Variants in ATP2A3 observed in about 807,000 individuals in gnomAD.
The protein encoded by ATP2A3 is sarcoplasmic/endoplasmic reticulum calcium ATPase 3.
ATP2A3 carries 61 observed loss-of-function variants against 106.8 expected under a neutral mutation model. The observed-to-expected ratio is 0.57, with a 90% CI of 0.46 to 0.71. The LOEUF (loss-of-function observed/expected upper bound fraction) is 0.71. Ranked by LOEUF, ATP2A3 falls within the 30% of genes least tolerant of loss-of-function variation. The probability of loss-of-function intolerance (pLI) is 0.00; values close to 1 mark genes in which losing one functional copy is unlikely to be tolerated. For missense variants in ATP2A3, 1,201 were observed against 1,423.5 expected, an observed-to-expected ratio of 0.84 and a Z score of 2.52; for synonymous variants, 611 against 609.3, an observed-to-expected ratio of 1.00 and a Z score of -0.04.
In ATP2A3 at chr17:3,945,134, G is replaced by T. The variant is rs1263659015; in HGVS notation, c.1110C>A (p.Ala370=). 7 of 1,547,780 alleles carry T rather than the reference G, an allele frequency of 4.5e-6. No homozygotes were observed. Among genetic ancestry groups the T allele is most frequent in the Non-Finnish European group, 6.1e-6 (7 of 1,145,834 alleles). Residue 370 remains alanine (A), a synonymous_variant, in exon 9 of 21, where the codon GCC becomes GCA. Transcript: ENST00000397041. ...AAAGGCAGGAGCCCGCATCGGCCTC[G>T]GCTACCACGAACATCTGGGGAGCGC... ...QMSVCRMFVV[A]EADAGSCLLH... is the part of the protein sequence containing the mutation.
Position 3,925,033 on chromosome 17 carries a change from G to C in ATP2A3, c.*389C>G, listed in dbSNP as rs1037291717. 2.4e-6 allele frequency: 1 copy of C among 418,566 alleles called. No individual in the cohort carries two copies. Among genetic ancestry groups the C allele is most frequent in the Admixed American group, 3.6e-5 (1 of 28,134 alleles). The allele number at this position is 418,566 out of a possible 1,614,324, so 25.9% of individuals were successfully genotyped here. ...CAGAGGCACCAGTCACCAAGTGAAC[G>C]TCCAGCTTCCGAACAAGGGGGAGCA... On this transcript the variant is annotated 3_prime_UTR_variant, in exon 21 of 21. Transcript: ENST00000397041. The surrounding 1 kb of genome is among the most constrained non-coding windows in gnomAD (Gnocchi z 4.2).
At chr17:3,951,553 G>T (rs751359506) in intron 4 of ATP2A3, 28 bp downstream of exon 4, 2 of 647,366 alleles carry the variant, frequency 3.1e-6, no homozygotes, top group South Asian at 2.7e-5. Flanking sequence ...ACCGCCCCCC[G>T]CCCGGTCCCA....
chr17:3,956,468 C>T (rs1468663680), intron 1 of ATP2A3, among the ~76,000 whole-genome samples: 1 of 152,218 alleles, frequency 6.6e-6, no homozygotes, highest in Non-Finnish European at 1.5e-5. Context: ...TATCCTCCGT[C>T]TGTGCTGGCC....
At chr17:3,937,080 G>A (rs1464555644) in intron 15 of ATP2A3, 20 of 403,184 alleles carry the variant, frequency 5.0e-5, no homozygotes, top group South Asian at 3.9e-4. Context: ...ATACACATTC[G>A]CACACGGACA....
In ATP2A3 at chr17:3,937,625, T is replaced by G; in HGVS notation, c.2112A>C (p.Gly704=). The G allele has an allele frequency of 6.2e-7, 1 of 1,613,774 alleles. No individual in the cohort carries two copies. The highest frequency in any genetic ancestry group is 8.5e-7 in the Non-Finnish European group (1 of 1,179,916). Residue 704 remains glycine, a synonymous_variant, in exon 15 of 21, where the codon GGA becomes GGC. Transcript: ENST00000397041. ...TCTTCAGGGCTGGTGCGTCGTTCAC[T>G]CCATCGCCAGTCTGTGGGCCAGGTC... ...FNEITAMTGD[G]VNDAPALKKA...
intron 8 of ATP2A3, among the ~76,000 whole-genome samples, chr17:3,946,799 C>CACCATCTCCCCACCCACCCATCTGCTGG (rs1430040055): frequency 1.4e-4 from 21 of 152,314 alleles, no homozygotes; most frequent in Middle Eastern, 6.8e-3. Context: ...ACATAGCCTT[C>CACCATCTCCCCACCCACCCATCTGCTGG]ACCATCTCCC....
At position 3,953,191 on chromosome 17, in the gene ATP2A3, G is replaced by T; in HGVS notation, c.219+156C>A. On this transcript the variant is annotated intron_variant, in intron 3 of 20. Coordinates refer to ENST00000397041, the MANE Select transcript of ATP2A3 (RefSeq NM_005173.4). The surrounding 1 kb of genome is among the most constrained non-coding windows in gnomAD (Gnocchi z 5.1). ...GGCCATGAGGGTTCAGGCAAGGGAA[G>T]CTGAAGTCTGAGCAGGGCAGGGCCA... 1.2e-6 allele frequency: 1 copy of T among 833,120 alleles called. No individual in the cohort carries two copies. Among genetic ancestry groups the T allele is most frequent in the Non-Finnish European group, 2.0e-6 (1 of 492,392 alleles). The allele number at this position is 833,120 out of a possible 1,614,324, so 51.6% of individuals were successfully genotyped here. A position where few individuals can be genotyped will look rare whatever the true frequency, so the allele number is the denominator to read the frequency against.
rs559148322 is a variant in ATP2A3 at position 3,930,570 on chromosome 17, T to G, written c.2611-136A>C. 2.1e-5 allele frequency: 14 copies of G among 674,096 alleles called. No individual in the cohort carries two copies. The highest frequency in any genetic ancestry group is 2.4e-5 in the Non-Finnish European group (11 of 455,376). 41.8% of individuals were successfully genotyped at this position (674,096 alleles called of 1,614,324 possible). A position where few individuals can be genotyped will look rare whatever the true frequency, so the allele number is the denominator to read the frequency against. On this transcript the variant is annotated intron_variant, in intron 17 of 20. Coordinates refer to ENST00000397041, the MANE Select transcript of ATP2A3 (RefSeq NM_005173.4). This position sits in a 1 kb window ranked among gnomAD's most constrained non-coding sequence, Gnocchi z 5.4. ...CACAAAACACTGCCGTGGGGTGGGC[T>G]GGGGATCCCGGGAGGGGTGCGGGGT...
At chr17:3,942,034 G>A (rs1342103693) in intron 12 of ATP2A3, among the ~76,000 whole-genome samples, 1 of 152,184 alleles carries the variant, frequency 6.6e-6, no homozygotes, top group Non-Finnish European at 1.5e-5. Flanking sequence ...TCAGCAGCAG[G>A]GAGGCAGGCT....
In ATP2A3 at chr17:3,930,635, A is replaced by T; in HGVS notation, c.2611-201T>A. Reference sequence around the variant, plus strand: ...GGAGAGCTGCACCGTGCCAGGGAGAAGCAAGGGCACAGCGTGGGAAAGGCA... The same window carrying T: ...GGAGAGCTGCACCGTGCCAGGGAGATGCAAGGGCACAGCGTGGGAAAGGCA... On this transcript the variant is annotated intron_variant, in intron 17 of 20. Transcript: ENST00000397041. The surrounding 1 kb of genome is among the most constrained non-coding windows in gnomAD (Gnocchi z 5.4). 1.4e-6 allele frequency: 1 copy of T among 712,628 alleles called. No individual in the cohort carries two copies. Among genetic ancestry groups the T allele is most frequent in the East Asian group, 2.7e-5 (1 of 36,538 alleles). The allele number at this position is 712,628 out of a possible 1,614,324, so 44.1% of individuals were successfully genotyped here. A position where few individuals can be genotyped will look rare whatever the true frequency, so the allele number is the denominator to read the frequency against.
intron 1 of ATP2A3, among the ~76,000 whole-genome samples, chr17:3,958,701 C>CATATAT (rs147879049): frequency 2.2e-4 from 27 of 125,014 alleles, no homozygotes; most frequent in Non-Finnish European, 2.8e-4. Context: ...CCTCCTCATT[C>CATATAT]ATATATATAT....
Position 3,947,895 on chromosome 17 carries a change from C to G in ATP2A3, c.631-40G>C, listed in dbSNP as rs779742382. The stretch of plus-strand genomic sequence containing the variant: ...GACAAGGAAAAAGCTGCTCAGCAGC[C>G]AACCAGGGGCCCAGGACCCCTGACT... On this transcript the variant is annotated intron_variant, in intron 7 of 20. Transcript: ENST00000397041. The surrounding 1 kb of genome is among the most constrained non-coding windows in gnomAD (Gnocchi z 7.7). 8 of 1,588,214 alleles carry G rather than the reference C, an allele frequency of 5.0e-6. No individual in the cohort carries two copies. Among genetic ancestry groups the G allele is most frequent in the Admixed American group, 1.7e-5 (1 of 59,612 alleles).
At position 3,953,246 on chromosome 17, in the gene ATP2A3, G is replaced by T; in HGVS notation, c.219+101C>A. On this transcript the variant is annotated intron_variant, in intron 3 of 20. Transcript: ENST00000397041. The surrounding 1 kb of genome is among the most constrained non-coding windows in gnomAD (Gnocchi z 5.1). ...AGGCCAGGGCGCAGGCCCAGGGTGT[G>T]GAGGACAGGCCCAGGCTCCAGGACC... 7.5e-7 allele frequency: 1 copy of T among 1,335,456 alleles called. No individual in the cohort carries two copies. Among genetic ancestry groups the T allele is most frequent in the Non-Finnish European group, 1.1e-6 (1 of 928,062 alleles). 82.7% of individuals were successfully genotyped at this position (1,335,456 alleles called of 1,614,324 possible). A position where few individuals can be genotyped will look rare whatever the true frequency, so the allele number is the denominator to read the frequency against.
chr17:3,958,781 C>CAT (rs1160647483), intron 1 of ATP2A3, among the ~76,000 whole-genome samples: 11 of 62,192 alleles, frequency 1.8e-4, no homozygotes, highest in Admixed American at 7.3e-4. Context: ...TATACACACA[C>CAT]ATATATATAC....
At chr17:3,958,548 G>T (rs538537901) in intron 1 of ATP2A3, among the ~76,000 whole-genome samples, 55 of 151,924 alleles carry the variant, frequency 3.6e-4, no homozygotes, top group African/African-American at 1.3e-3. Flanking sequence ...TCTGTATCCC[G>T]AATGCACATC....
chr17:3,954,747 G>A (rs1050209683), intron 1 of ATP2A3, among the ~76,000 whole-genome samples: 14 of 152,060 alleles, frequency 9.2e-5, no homozygotes, highest in African/African-American at 2.7e-4. Flanking sequence ...TGCCCGCCTC[G>A]GCCTCCCAAA....
Position 3,953,985 on chromosome 17 carries a change from C to A in ATP2A3, c.119-275G>T, listed in dbSNP as rs967181837. Among the ~76,000 whole-genome samples the A allele has an allele frequency of 1.3e-5, 2 of 151,976 alleles. No individual in the cohort carries two copies. The highest frequency in any genetic ancestry group is 2.9e-5 in the Non-Finnish European group (2 of 67,944). ...TACGGAGCCAAGAGGGTCCTTCCAG[C>A]CCCTCCAGTCCAGCCCCTCCCTGCC... On this transcript the variant is annotated intron_variant, in intron 1 of 20. Coordinates refer to ENST00000397041, the MANE Select transcript of ATP2A3 (RefSeq NM_005173.4). This position sits in a 1 kb window ranked among gnomAD's most constrained non-coding sequence, Gnocchi z 5.1.
At chr17:3,960,264 G>T (rs2055063889) in intron 1 of ATP2A3, among the ~76,000 whole-genome samples, 1 of 152,248 alleles carries the variant, frequency 6.6e-6, no homozygotes, top group South Asian at 2.1e-4. Context: ...ACGCATATGG[G>T]TTGCCCGAGT....
chr17:3,928,777 T>C lies in ATP2A3; in HGVS notation c.2866A>G (p.Ile956Val). ...LILLVPPLPL[I>V]FQVTPLSGRQ... ...CCGCTCAGTGGGGTCACCTGGAAAATGAGCTGGCGGGGAGGGGAAGGGAGG... is the reference window on the plus strand; with the variant it reads ...CCGCTCAGTGGGGTCACCTGGAAAACGAGCTGGCGGGGAGGGGAAGGGAGG... The change falls in exon 20 of 21, where the codon ATT becomes GTT. Residue 956 changes from isoleucine (I) to valine (V), a missense_variant. Ile to Val is a conservative substitution (Grantham distance 29). This residue lies in a region of ATP2A3 where 935 missense variants were observed against 1,176.7 expected (regional missense o/e 0.79). Coordinates refer to ENST00000397041, the MANE Select transcript of ATP2A3 (RefSeq NM_005173.4). This position sits in a 1 kb window ranked among gnomAD's most constrained non-coding sequence, Gnocchi z 6.1. The C allele has an allele frequency of 6.4e-7, 1 of 1,554,040 alleles. No homozygotes were observed. The highest frequency in any genetic ancestry group is 8.7e-7 in the Non-Finnish European group (1 of 1,148,562).
Sources: allele counts gnomAD v4.1 joint callset (sites outside exome capture counted in the v4.1 genomes callset), GRCh38; gene constraint gnomAD v4.1.1; regional missense constraint gnomAD v4.1.1; non-coding constraint Gnocchi (gnomAD v3.1); transcripts MANE v1.5; gene names NCBI Gene and HGNC (gene_info 2026-07-23, HGNC 2026-07-21).